DSCAM: variants seen among roughly 807,000 people sequenced by gnomAD.
The protein encoded by DSCAM is cell adhesion molecule DSCAM.
In DSCAM, 47 loss-of-function variants were observed where a neutral mutation model predicts 217.7. That is an observed-to-expected ratio of 0.22 (90% CI 0.17 to 0.28). DSCAM has a LOEUF of 0.28. Among genes scored for constraint, DSCAM ranks in the 10% least tolerant of loss-of-function variants. The probability of loss-of-function intolerance (pLI) is 1.00; values close to 1 mark genes in which losing one functional copy is unlikely to be tolerated. For missense variants in DSCAM, 2,080 were observed against 2,618.3 expected, an observed-to-expected ratio of 0.79 and a Z score of 4.49; for synonymous variants, 1,056 against 1,015.3, an observed-to-expected ratio of 1.04 and a Z score of -0.76.
At chr21:40,461,711 C>T (rs577761802) in intron 3 of DSCAM, among the ~76,000 whole-genome samples, 5 of 152,156 alleles carry the variant, frequency 3.3e-5, no homozygotes, top group Admixed American at 6.5e-5. Context: ...GGATTATCCA[C>T]GTGGGTCCAA....
intron 1 of DSCAM, among the ~76,000 whole-genome samples, chr21:40,728,418 TC>T (rs1427737447): frequency 1.3e-5 from 2 of 149,738 alleles, no homozygotes; most frequent in Middle Eastern, 3.4e-3. Flanking sequence ...TATAAATGAT[TC>T]TTTTTTTTTT....
intron 3 of DSCAM, among the ~76,000 whole-genome samples, chr21:40,557,302 C>G (rs1280493936): frequency 6.6e-6 from 1 of 152,034 alleles, no homozygotes; most frequent in Non-Finnish European, 1.5e-5. Flanking sequence ...GGAATTAATT[C>G]CTGAGAGAGT....
chr21:40,617,383 C>T (rs1422942399), intron 3 of DSCAM, among the ~76,000 whole-genome samples: 6 of 152,014 alleles, frequency 3.9e-5, no homozygotes, highest in African/African-American at 7.2e-5. Flanking sequence ...CTCGGCCTCC[C>T]GAAGTGCTGG....
At chr21:40,665,266 T>C (rs1466212977) in intron 3 of DSCAM, among the ~76,000 whole-genome samples, 1 of 152,180 alleles carries the variant, frequency 6.6e-6, no homozygotes, top group East Asian at 1.9e-4. Flanking sequence ...GCATCCTTCC[T>C]GAACTACAAC....
chr21:40,363,619 G>A (rs895139863), intron 4 of DSCAM, among the ~76,000 whole-genome samples: 5 of 152,048 alleles, frequency 3.3e-5, no homozygotes, highest in Non-Finnish European at 7.4e-5. Context: ...AAAATTTAGG[G>A]AAAGGACTTC....
chr21:40,165,991 T>C (rs1484799786), intron 16 of DSCAM, among the ~76,000 whole-genome samples: 1 of 152,138 alleles, frequency 6.6e-6, no homozygotes, highest in East Asian at 1.9e-4. Flanking sequence ...TAAACAGTCA[T>C]ATCACGCTGC....
chr21:40,619,683 T>C (rs1244393504), intron 3 of DSCAM, among the ~76,000 whole-genome samples: 1 of 152,178 alleles, frequency 6.6e-6, no homozygotes, highest in East Asian at 1.9e-4. Context: ...TGTTTCGCCA[T>C]TGCATCCACA....
chr21:40,110,236 G>C (rs542203771), intron 20 of DSCAM, among the ~76,000 whole-genome samples: 5 of 152,312 alleles, frequency 3.3e-5, no homozygotes, highest in African/African-American at 1.2e-4. Flanking sequence ...GGAAAGATCA[G>C]GCAGCAACAT....
intron 1 of DSCAM, among the ~76,000 whole-genome samples, chr21:40,827,921 C>G (rs1469605234): frequency 6.6e-6 from 1 of 152,144 alleles, no homozygotes; most frequent in African/African-American, 2.4e-5. Flanking sequence ...TTGAGAAGCA[C>G]TAGTATACTC....
intron 11 of DSCAM, among the ~76,000 whole-genome samples, chr21:40,213,175 A>G (rs1285819281): frequency 1.3e-5 from 2 of 152,270 alleles, no homozygotes; most frequent in Non-Finnish European, 2.9e-5. Flanking sequence ...TGTATTTCAC[A>G]AAACTTTTAC....
At chr21:40,126,784 C>T (rs1191906318) in intron 19 of DSCAM, among the ~76,000 whole-genome samples, 1 of 152,090 alleles carries the variant, frequency 6.6e-6, no homozygotes, top group East Asian at 1.9e-4. Context: ...CAGTTGGCTC[C>T]TCCTGCATGG....
At chr21:40,418,987 T>G (rs2075397669) in intron 3 of DSCAM, among the ~76,000 whole-genome samples, 1 of 152,166 alleles carries the variant, frequency 6.6e-6, no homozygotes, top group Non-Finnish European at 1.5e-5. Flanking sequence ...TATATCTATT[T>G]TGAGATGGAG....
In DSCAM at chr21:40,235,040, A is replaced by G. The variant is rs1457075644; in HGVS notation, c.2356+41057T>C. Among the ~76,000 whole-genome samples the G allele has an allele frequency of 2.6e-5, 4 of 152,340 alleles. No individual in the cohort carries two copies. The South Asian group carries it at 6.2e-4, about 24-fold the overall frequency. ...AAACTAGCCTCTTCAGAAATGCAATAGTATTAGGAGTAATTTATTTGCCTG... is the reference window on the plus strand; with the variant it reads ...AAACTAGCCTCTTCAGAAATGCAATGGTATTAGGAGTAATTTATTTGCCTG... On this transcript the variant is annotated intron_variant, in intron 11 of 32. Transcript: ENST00000400454.
intron 3 of DSCAM, among the ~76,000 whole-genome samples, chr21:40,512,684 T>C (rs762701537): frequency 6.6e-6 from 1 of 152,082 alleles, no homozygotes; most frequent in Non-Finnish European, 1.5e-5. Context: ...AGTGAAGTTA[T>C]CATAGTAAAG....
chr21:40,656,844 GTATCT>G (rs1017708605), intron 3 of DSCAM, among the ~76,000 whole-genome samples: 7 of 152,138 alleles, frequency 4.6e-5, no homozygotes, highest in South Asian at 2.1e-4. Context: ...ATGCTGGAGT[GTATCT>G]TATCTTATCT....
chr21:40,265,598 C>G (rs926646148), intron 11 of DSCAM, among the ~76,000 whole-genome samples: 1 of 152,030 alleles, frequency 6.6e-6, no homozygotes, highest in Admixed American at 6.6e-5. Context: ...AATGATACTA[C>G]AAGGCTATAG....
intron 1 of DSCAM, among the ~76,000 whole-genome samples, chr21:40,740,492 T>C (rs2091113568): frequency 6.6e-6 from 1 of 152,226 alleles, no homozygotes; most frequent in African/African-American, 2.4e-5. Context: ...TCTTTAAAAT[T>C]CAAAACTTCC....
intron 1 of DSCAM, among the ~76,000 whole-genome samples, chr21:40,714,607 C>T (rs1355437916): frequency 3.9e-5 from 6 of 152,172 alleles, no homozygotes; most frequent in Admixed American, 2.0e-4. Flanking sequence ...GTCTCACCAT[C>T]GAATTTTGGA....
chr21:40,671,430 G>C (rs9975877), intron 3 of DSCAM, among the ~76,000 whole-genome samples: 134,855 of 152,036 alleles, frequency 0.89, 59,944 homozygotes, highest in East Asian at 1. Context: ...AATCCCAGCA[G>C]TTTGGGAGGC....
Sources: gnomAD v4.1 joint callset for allele counts (sites outside exome capture counted in the v4.1 genomes callset) on GRCh38, gnomAD v4.1.1 for gene constraint, MANE v1.5 for transcripts, NCBI Gene and HGNC (gene_info 2026-07-23, HGNC 2026-07-21) for gene names.